DIAPH2: variants seen among roughly 807,000 people sequenced by gnomAD.
DIAPH2 encodes the protein protein diaphanous homolog 2.
In DIAPH2, 35 loss-of-function variants were observed where a neutral mutation model predicts 92.7. The ratio of observed to expected loss-of-function variants is 0.38; its 90% CI spans 0.29 to 0.50. The LOEUF (loss-of-function observed/expected upper bound fraction) is 0.50, where lower values mean the gene tolerates loss of function less well. Among genes scored for constraint, DIAPH2 ranks in the 20% least tolerant of loss-of-function variants. The pLI is 0.94. For missense variants in DIAPH2, 701 were observed against 819.5 expected, an observed-to-expected ratio of 0.86 and a Z score of 1.77; for synonymous variants, 301 against 280.4, an observed-to-expected ratio of 1.07 and a Z score of -0.73.
chrX:97,319,411 C>G (rs2068870982), intron 23 of DIAPH2, among the ~76,000 whole-genome samples: 1 of 104,032 alleles, frequency 9.6e-6, no homozygotes, highest in African/African-American at 3.5e-5. Flanking sequence ...TTTTTTGAGA[C>G]GGAGTCTCGC....
intron 23 of DIAPH2, among the ~76,000 whole-genome samples, chrX:97,251,496 G>C (rs1313519780): frequency 9.2e-6 from 1 of 108,548 alleles, no homozygotes; most frequent in Non-Finnish European, 1.9e-5. Context: ...GCAGTGGCGC[G>C]ATCCCGGCTC....
intron 1 of DIAPH2, among the ~76,000 whole-genome samples, chrX:96,699,827 G>C (rs757544647): frequency 5.4e-5 from 6 of 111,703 alleles, no homozygotes; most frequent in Non-Finnish European, 1.1e-4. Context: ...GGACTGCACT[G>C]TTGTGAACTT....
chrX:96,816,776 A>G (rs989852421), intron 4 of DIAPH2, among the ~76,000 whole-genome samples: 4 of 112,411 alleles, frequency 3.6e-5, no homozygotes, highest in Non-Finnish European at 7.5e-5. Flanking sequence ...GTGCACTCCT[A>G]TGTTTGTTGA....
chrX:96,986,469 T>A (rs1038736085), intron 17 of DIAPH2, among the ~76,000 whole-genome samples: 1 of 111,623 alleles, frequency 9.0e-6, no homozygotes, highest in African/African-American at 3.2e-5. Context: ...GAAGTTGACT[T>A]TAGGACCAAC....
At chrX:96,775,153 A>G (rs961669312) in intron 4 of DIAPH2, among the ~76,000 whole-genome samples, 3 of 111,058 alleles carry the variant, frequency 2.7e-5, no homozygotes, top group Non-Finnish European at 5.7e-5. Flanking sequence ...ATCATCACCC[A>G]TGCAATCTCT....
chrX:96,998,240 G>A (rs1422161012), intron 17 of DIAPH2, among the ~76,000 whole-genome samples: 2 of 110,153 alleles, frequency 1.8e-5, no homozygotes, highest in Non-Finnish European at 3.8e-5. Context: ...TAACTTCTGT[G>A]GCATTTTTTA....
At chrX:97,156,284 T>C (rs1186659682) in intron 22 of DIAPH2, among the ~76,000 whole-genome samples, 2 of 112,325 alleles carry the variant, frequency 1.8e-5, no homozygotes, top group Non-Finnish European at 3.8e-5. Flanking sequence ...ATGGTTTATC[T>C]GAAGGGACTA....
At chrX:96,717,816 G>GTATATATATATATA (rs61272505) in intron 1 of DIAPH2, among the ~76,000 whole-genome samples, 5 of 36,374 alleles carry the variant, frequency 1.4e-4, no homozygotes, top group Non-Finnish European at 2.2e-4. Flanking sequence ...TGGGTATATA[G>GTATATATATATATA]TATATATATA....
At chrX:97,205,747 G>A (rs997534288) in intron 22 of DIAPH2, among the ~76,000 whole-genome samples, 4 of 111,404 alleles carry the variant, frequency 3.6e-5, no homozygotes, top group Non-Finnish European at 7.5e-5. Context: ...ACAGTGTGGC[G>A]ATTCCTCAAG....
At chrX:97,369,085 T>G (rs1308532343) in intron 24 of DIAPH2, among the ~76,000 whole-genome samples, 1 of 109,337 alleles carries the variant, frequency 9.1e-6, no homozygotes, top group Non-Finnish European at 1.9e-5. Context: ...TTTTTGTATT[T>G]TTATTAGAGA....
At chrX:96,977,702 T>TA (rs1406620846) in intron 17 of DIAPH2, among the ~76,000 whole-genome samples, 3 of 110,295 alleles carry the variant, frequency 2.7e-5, no homozygotes, top group Non-Finnish European at 5.7e-5. Context: ...TTTTTTTTTT[T>TA]AAACAAAGTG....
rs1286647287 is a variant in DIAPH2, at chrX:97,141,872, T to A, written c.2719+78T>A. The A allele has an allele frequency of 2.0e-5, 21 of 1,036,373 alleles. No individual in the cohort carries two copies. In the East Asian group the frequency reaches 6.4e-4, roughly 31 times the overall value. 85.4% of individuals were successfully genotyped at this position (1,036,373 alleles called of 1,213,427 possible). A position where few individuals can be genotyped will look rare whatever the true frequency, so the allele number is the denominator to read the frequency against. On this transcript the variant is annotated intron_variant, in intron 22 of 26. Coordinates refer to ENST00000324765, the MANE Select transcript of DIAPH2 (RefSeq NM_006729.5). The stretch of plus-strand genomic sequence containing the variant: ...GGAACAATTAAAGAATCTGTAAACA[T>A]TATTCATAAAAGTATTTTTTGTTTG...
chrX:97,065,729 C>T (rs1405377699), intron 17 of DIAPH2, among the ~76,000 whole-genome samples: 1 of 109,721 alleles, frequency 9.1e-6, no homozygotes, highest in Non-Finnish European at 1.9e-5. Flanking sequence ...CATGGTATTC[C>T]AAAAGAAGTC....
chrX:97,009,385 A>G (rs1410066282), intron 17 of DIAPH2, among the ~76,000 whole-genome samples: 3 of 112,031 alleles, frequency 2.7e-5, no homozygotes, highest in African/African-American at 9.7e-5. Flanking sequence ...GCCTGGAATC[A>G]GGGACCACAA....
chrX:97,283,149 A>T (rs1194494424), intron 23 of DIAPH2, among the ~76,000 whole-genome samples: 1 of 111,912 alleles, frequency 8.9e-6, no homozygotes, highest in Non-Finnish European at 1.9e-5. Context: ...TACAACATGT[A>T]TGTGAGTATC....
intron 4 of DIAPH2, among the ~76,000 whole-genome samples, chrX:96,792,577 G>A (rs769481778): frequency 2.7e-5 from 3 of 111,728 alleles, no homozygotes; most frequent in Non-Finnish European, 5.6e-5. Context: ...TGTCCCAGAG[G>A]GTTTTATTTT....
Position 96,875,755 on chromosome X carries a change from T to C in DIAPH2, c.448-5824T>C, listed in dbSNP as rs756723110. Among the ~76,000 whole-genome samples, 10 of 110,693 alleles carry C rather than the reference T, an allele frequency of 9.0e-5. No individual in the cohort carries two copies. In the South Asian group the frequency reaches 3.8e-3, roughly 42 times the overall value. ...TTTTACCCTACATTTTTTTGTGTGG[T>C]TAAAAAAAATAAATTAAAAAAAGAC... On this transcript the variant is annotated intron_variant, in intron 4 of 26. Coordinates refer to ENST00000324765, the MANE Select transcript of DIAPH2 (RefSeq NM_006729.5).
intron 4 of DIAPH2, among the ~76,000 whole-genome samples, chrX:96,853,281 T>A (rs2065016445): frequency 8.9e-6 from 1 of 112,021 alleles, no homozygotes; most frequent in South Asian, 3.7e-4. Flanking sequence ...CAAGACATTG[T>A]TTTAAGAAAT....
At chrX:97,119,309 A>G (rs2067038340) in intron 21 of DIAPH2, among the ~76,000 whole-genome samples, 1 of 111,097 alleles carries the variant, frequency 9.0e-6, no homozygotes, top group African/African-American at 3.3e-5. Context: ...GCCGAGCTGC[A>G]GGAGCTGCAG....
Sources: gnomAD v4.1 joint callset for allele counts (sites outside exome capture counted in the v4.1 genomes callset) on GRCh38, gnomAD v4.1.1 for gene constraint, MANE v1.5 for transcripts, NCBI Gene and HGNC (gene_info 2026-07-23, HGNC 2026-07-21) for gene names.